The following THEM4 variants were observed in gnomAD, a reference collection of about 807,000 sequenced individuals.
The protein encoded by THEM4 is thioesterase superfamily member 4.
THEM4 carries 22 observed loss-of-function variants against 25.0 expected under a neutral mutation model. The observed-to-expected ratio is 0.88, with a 90% CI of 0.63 to 1.26. THEM4 has a LOEUF of 1.26. Ranked by LOEUF, THEM4 falls within the 50% of genes most tolerant of loss-of-function variation. The pLI is 0.00. For missense variants in THEM4, 286 were observed against 300.3 expected (o/e 0.95, Z 0.35); for synonymous variants, 113 against 105.6 (o/e 1.07, Z -0.43).
chr1:151,873,719 T>TGCACAGAGGGAAGACACTGTGGAGAC lies in THEM4; in HGVS notation c.*1143_*1168dup, dbSNP rs1249881940. 8 of 152,334 alleles carry TGCACAGAGGGAAGACACTGTGGAGAC rather than the reference T, an allele frequency of 5.3e-5. No homozygotes were observed. In the East Asian group the frequency reaches 1.5e-3, roughly 29 times the overall value. 9.4% of individuals were successfully genotyped at this position (152,334 alleles called of 1,614,324 possible). On this transcript the variant is annotated 3_prime_UTR_variant, in exon 6 of 6. Transcript: ENST00000368814. ...GGAGACTTGGACACAGAGATAGATCTGCACAGAGGGAAGACACTGTGGAGA... is the reference window on the plus strand; with the variant it reads ...GGAGACTTGGACACAGAGATAGATCTGCACAGAGGGAAGACACTGTGGAGACGCACAGAGGGAAGACACTGTGGAGA...
intron 1 of THEM4, among the ~76,000 whole-genome samples, chr1:151,896,297 T>C (rs1654222818): frequency 6.6e-6 from 1 of 152,080 alleles, no homozygotes; most frequent in Admixed American, 6.6e-5. Context: ...CCCGGCTGAC[T>C]GTAAGTTTTC....
chr1:151,885,418 C>T (rs1247635593), intron 4 of THEM4, among the ~76,000 whole-genome samples: 1 of 152,236 alleles, frequency 6.6e-6, no homozygotes, highest in Admixed American at 6.5e-5. Context: ...TGTGCCCAGC[C>T]TCATCTTTTA....
intron 4 of THEM4, among the ~76,000 whole-genome samples, chr1:151,881,650 C>T (rs2101718029): frequency 6.6e-6 from 1 of 152,268 alleles, no homozygotes; most frequent in South Asian, 2.1e-4. Flanking sequence ...TCTACTGTTG[C>T]TATTGAGAGG....
chr1:151,906,483 G>A (rs759120323), intron 1 of THEM4, among the ~76,000 whole-genome samples: 18 of 152,192 alleles, frequency 1.2e-4, no homozygotes, highest in African/African-American at 2.4e-4. Context: ...GCTCCACGGC[G>A]CCCAGTCCCA....
At chr1:151,884,079 TAATA>T (rs146748985) in intron 4 of THEM4, among the ~76,000 whole-genome samples, 2,098 of 144,266 alleles carry the variant, frequency 0.015, 53 homozygotes, top group African/African-American at 0.047. Flanking sequence ...TGTCTCAAAA[TAATA>T]AATAAATAAA....
chr1:151,905,860 G>A (rs981784024), intron 1 of THEM4, among the ~76,000 whole-genome samples: 1 of 152,244 alleles, frequency 6.6e-6, no homozygotes, highest in Admixed American at 6.5e-5. Flanking sequence ...GGCCGTCTGG[G>A]CACCATAGTG....
At chr1:151,883,395 G>T (rs893464259) in intron 4 of THEM4, among the ~76,000 whole-genome samples, 2 of 151,964 alleles carry the variant, frequency 1.3e-5, no homozygotes, top group African/African-American at 4.8e-5. Context: ...GATTACAGGC[G>T]TGAGCCACGG....
In THEM4 at chr1:151,876,982, G is replaced by A. The variant is rs1223952447; in HGVS notation, c.682+19C>T. On this transcript the variant is annotated intron_variant, in intron 5 of 5. Transcript: ENST00000368814. ...CAACCCAACTAAACCCCAAGAAAGA[G>A]ATAAGACCAGCTTCTTACTTGTCGC... 1 of 1,594,404 alleles carries A rather than the reference G, an allele frequency of 6.3e-7. No homozygotes were observed. Among genetic ancestry groups the A allele is most frequent in the Non-Finnish European group, 8.5e-7 (1 of 1,173,564 alleles).
At chr1:151,883,774 T>G (rs1177244932) in intron 4 of THEM4, among the ~76,000 whole-genome samples, 1 of 151,646 alleles carries the variant, frequency 6.6e-6, no homozygotes, top group Non-Finnish European at 1.5e-5. Context: ...GCCTTAACTG[T>G]GCATTTTAAA....
At chr1:151,875,895 C>A (rs1364282090) in intron 5 of THEM4, among the ~76,000 whole-genome samples, 1 of 152,182 alleles carries the variant, frequency 6.6e-6, no homozygotes, top group African/African-American at 2.4e-5. Context: ...ACTCTACCAC[C>A]CAGAAATTCT....
At position 151,871,085 on chromosome 1, in the gene THEM4, C is replaced by G. The variant is rs2101711199; in HGVS notation, c.*3803G>C. On this transcript the variant is annotated 3_prime_UTR_variant, in exon 6 of 6. Coordinates refer to ENST00000368814, the MANE Select transcript of THEM4 (RefSeq NM_053055.5). ...CATGCCTGTAATCCCAGTACTTTGG[C>G]AGGCTGAGGTGGGCAGATCACTTGA... is the stretch of plus-strand genomic sequence containing the variant. Among the ~76,000 whole-genome samples the G allele has an allele frequency of 6.6e-6, 1 of 152,080 alleles. No homozygotes were observed. The highest frequency in any genetic ancestry group is 3.4e-3 in the Middle Eastern group (1 of 294).
At chr1:151,890,143 G>A in intron 2 of THEM4, 1 of 450,030 alleles carries the variant, frequency 2.2e-6, no homozygotes, top group Non-Finnish European at 4.5e-6. Context: ...CGAACTCAGG[G>A]ATCCGCCTGC....
chr1:151,882,750 C>T (rs1041354384), intron 4 of THEM4, among the ~76,000 whole-genome samples: 1 of 152,112 alleles, frequency 6.6e-6, no homozygotes, highest in Non-Finnish European at 1.5e-5. Flanking sequence ...CCACCATCAC[C>T]GAGCATATGG....
At chr1:151,903,931 C>T (rs1443659513) in intron 1 of THEM4, among the ~76,000 whole-genome samples, 1 of 152,110 alleles carries the variant, frequency 6.6e-6, no homozygotes, top group East Asian at 1.9e-4. Context: ...TACTACATGC[C>T]CTGGTTCTAT....
intron 5 of THEM4, among the ~76,000 whole-genome samples, chr1:151,876,125 T>C (rs1265704399): frequency 6.6e-6 from 1 of 152,252 alleles, no homozygotes; most frequent in Non-Finnish European, 1.5e-5. Context: ...TAACAGGTCA[T>C]GTGTGTGACT....
At chr1:151,907,464 G>A (rs1050137237) in intron 1 of THEM4, among the ~76,000 whole-genome samples, 5 of 152,096 alleles carry the variant, frequency 3.3e-5, no homozygotes, top group African/African-American at 4.8e-5. Context: ...TTGCTTTCAC[G>A]CCACTATGCT....
chr1:151,904,817 G>A (rs1218871498), intron 1 of THEM4, among the ~76,000 whole-genome samples: 3 of 152,122 alleles, frequency 2.0e-5, no homozygotes, highest in South Asian at 2.1e-4. Flanking sequence ...AAACTAGGGT[G>A]AATAGAATGA....
chr1:151,879,044 A>G (rs1653751649), intron 4 of THEM4, among the ~76,000 whole-genome samples: 1 of 152,168 alleles, frequency 6.6e-6, no homozygotes, highest in African/African-American at 2.4e-5. Context: ...GCCAAAAAGG[A>G]TATAGATTTA....
At chr1:151,897,767 GC>G (rs1408374048) in intron 1 of THEM4, among the ~76,000 whole-genome samples, 2 of 152,198 alleles carry the variant, frequency 1.3e-5, no homozygotes, top group African/African-American at 4.8e-5. Flanking sequence ...TACTGTGAGT[GC>G]CCCAACTGTG....
Sources: allele counts gnomAD v4.1 joint callset (sites outside exome capture counted in the v4.1 genomes callset), GRCh38; gene constraint gnomAD v4.1.1; transcripts MANE v1.5; gene names NCBI Gene and HGNC (gene_info 2026-07-23, HGNC 2026-07-21).